ASCC3: variants seen among roughly 807,000 people sequenced by gnomAD.
ASCC3 encodes activating signal cointegrator 1 complex subunit 3, also known as ASC-1 complex subunit P200.
ASCC3 carries 158 observed loss-of-function variants against 256.3 expected under a neutral mutation model. The observed-to-expected ratio is 0.62, with a 90% CI of 0.54 to 0.70. The LOEUF (loss-of-function observed/expected upper bound fraction) is 0.70, where lower values mean the gene tolerates loss of function less well. ASCC3 is among the 30% of genes least tolerant of loss of function. The pLI, the probability that ASCC3 is intolerant of heterozygous loss-of-function variation, is 0.00. For missense variants in ASCC3, 2,259 were observed against 2,626.0 expected (o/e 0.86, Z 3.05); for synonymous variants, 948 against 883.4 (o/e 1.07, Z -1.30).
At chr6:100,584,830 C>T (rs180674449) in intron 36 of ASCC3, among the ~76,000 whole-genome samples, 2 of 151,960 alleles carry the variant, frequency 1.3e-5, no homozygotes, top group South Asian at 2.1e-4. Flanking sequence ...TTTTATTTCT[C>T]CTTCAGTTAT....
At chr6:100,778,576 A>C (rs575413438) in intron 8 of ASCC3, among the ~76,000 whole-genome samples, 16 of 152,288 alleles carry the variant, frequency 1.1e-4, no homozygotes, top group Admixed American at 1.3e-4. Context: ...ATTTTGTAAT[A>C]TACTACTTAC....
At chr6:100,648,321 G>GT (rs1288843737) in intron 20 of ASCC3, among the ~76,000 whole-genome samples, 1 of 151,988 alleles carries the variant, frequency 6.6e-6, no homozygotes, top group East Asian at 1.9e-4. Flanking sequence ...ATTAAAGATT[G>GT]TTTTTTAAAT....
chr6:100,757,544 A>G (rs1781236373), intron 10 of ASCC3, among the ~76,000 whole-genome samples: 2 of 149,392 alleles, frequency 1.3e-5, no homozygotes, highest in African/African-American at 5.0e-5. Flanking sequence ...ATAAACTGGG[A>G]TTTTCAAAAA....
chr6:100,820,818 C>T (rs1395234835), intron 4 of ASCC3, among the ~76,000 whole-genome samples: 1 of 151,952 alleles, frequency 6.6e-6, no homozygotes, highest in Non-Finnish European at 1.5e-5. Context: ...TAAAAATGAG[C>T]AAATGATCTG....
At chr6:100,857,159 A>G (rs528846673) in intron 3 of ASCC3, 1 of 152,206 alleles carries the variant, frequency 6.6e-6, no homozygotes, top group South Asian at 2.1e-4. Context: ...CTTGACTACC[A>G]ATGAAGCTGA....
Position 100,848,598 on chromosome 6 carries a change from C to A in ASCC3, c.351G>T (p.Gln117His). 6.2e-7 allele frequency: 1 copy of A among 1,614,146 alleles called. No homozygotes were observed. The highest frequency in any genetic ancestry group is 8.5e-7 in the Non-Finnish European group (1 of 1,180,022). The change falls in exon 4 of 42, where the codon CAG becomes CAT. Residue 117 changes from glutamine to histidine, a missense_variant. Coordinates refer to ENST00000369162, the MANE Select transcript of ASCC3 (RefSeq NM_006828.4). The part of the protein sequence containing the change: ...VGHKETKAIK[Q>H]MFGPFPSSSA... ...ATGATGAAGGAAAGGGGCCAAACATCTGTTTGATAGCCTTTGTTTCCTTGT... is the reference window on the plus strand; with the variant it reads ...ATGATGAAGGAAAGGGGCCAAACATATGTTTGATAGCCTTTGTTTCCTTGT...
intron 8 of ASCC3, among the ~76,000 whole-genome samples, chr6:100,783,362 G>A (rs1231943284): frequency 3.9e-5 from 6 of 152,148 alleles, no homozygotes; most frequent in Non-Finnish European, 8.8e-5. Flanking sequence ...TGTGACATCA[G>A]ACCCGTGGTC....
chr6:100,809,965 G>T (rs993000048), intron 4 of ASCC3, among the ~76,000 whole-genome samples: 1 of 152,042 alleles, frequency 6.6e-6, no homozygotes, highest in Non-Finnish European at 1.5e-5. Flanking sequence ...ACACCAGAAG[G>T]AAACCTCTAC....
At chr6:100,843,881 C>A (rs1310078645) in intron 4 of ASCC3, among the ~76,000 whole-genome samples, 1 of 151,506 alleles carries the variant, frequency 6.6e-6, no homozygotes, top group Admixed American at 6.6e-5. Context: ...AAGGTATACA[C>A]CTAAATAAAA....
intron 34 of ASCC3, among the ~76,000 whole-genome samples, chr6:100,597,101 C>T (rs1396414816): frequency 2.6e-5 from 4 of 152,152 alleles, no homozygotes; most frequent in Non-Finnish European, 5.9e-5. Context: ...AATATCAGCA[C>T]CCTTAATGAG....
rs1328128456 is a variant in ASCC3 at position 100,800,329 on chromosome 6, G to T, written c.1098C>A (p.Cys366Ter). 16 of 1,612,910 alleles carry T rather than the reference G, an allele frequency of 9.9e-6. No individual in the cohort carries two copies. The highest frequency in any genetic ancestry group is 1.2e-5 in the Non-Finnish European group (14 of 1,179,256). The change falls in exon 6 of 42, where the codon TGC becomes TGA. Residue 366 changes from cysteine to a stop codon, truncating the protein, a stop_gained. Coordinates refer to ENST00000369162, the MANE Select transcript of ASCC3 (RefSeq NM_006828.4). LOFTEE classifies it high-confidence loss of function. ...GTATCCGCAATTCCTTAGGATCAAA[G>T]CACATAAGTCCTTCTGAAACTTCTA... The part of the protein sequence containing the change: ...EDLEVSEGLM[C>*]FDPKELRIQR...
intron 13 of ASCC3, among the ~76,000 whole-genome samples, chr6:100,686,289 AATTT>A (rs1777561878): frequency 1.3e-5 from 2 of 152,182 alleles, no homozygotes; most frequent in Non-Finnish European, 2.9e-5. Context: ...ATACTGTATT[AATTT>A]TTTGATAGGG....
At chr6:100,572,870 C>T (rs1770668639) in intron 36 of ASCC3, among the ~76,000 whole-genome samples, 1 of 151,910 alleles carries the variant, frequency 6.6e-6, no homozygotes, top group African/African-American at 2.4e-5. Context: ...TTAAAAGTAA[C>T]TCTGGTTCTT....
intron 30 of ASCC3, among the ~76,000 whole-genome samples, chr6:100,623,793 T>G (rs1440286892): frequency 6.6e-6 from 1 of 152,166 alleles, no homozygotes; most frequent in Non-Finnish European, 1.5e-5. Context: ...TATCTATATT[T>G]AGATGTAGTA....
intron 36 of ASCC3, among the ~76,000 whole-genome samples, chr6:100,565,556 G>T (rs1431034440): frequency 6.6e-6 from 1 of 152,146 alleles, no homozygotes. Context: ...GAGCCTTACT[G>T]CTTTTTTATT....
At chr6:100,812,482 TGA>T (rs1263329974) in intron 4 of ASCC3, among the ~76,000 whole-genome samples, 1 of 151,256 alleles carries the variant, frequency 6.6e-6, no homozygotes, top group African/African-American at 2.4e-5. Context: ...AATAGGAAAC[TGA>T]GATAGCACTT....
chr6:100,799,655 T>C, intron 6 of ASCC3, 83 bp from the exon 7 acceptor site: 1 of 1,387,764 alleles, frequency 7.2e-7, no homozygotes, highest in South Asian at 1.2e-5. Context: ...TTATAAAAGA[T>C]ATTGGGAGCT....
chr6:100,776,630 T>TA (rs1782203352), intron 8 of ASCC3, among the ~76,000 whole-genome samples: 1 of 152,086 alleles, frequency 6.6e-6, no homozygotes, highest in Non-Finnish European at 1.5e-5. Flanking sequence ...TAATACAGGC[T>TA]ACTCGTGAGT....
At chr6:100,757,406 A>G (rs1781231085) in intron 10 of ASCC3, among the ~76,000 whole-genome samples, 1 of 151,984 alleles carries the variant, frequency 6.6e-6, no homozygotes, top group African/African-American at 2.4e-5. Flanking sequence ...TTAGGTAAAG[A>G]AATAAAATAA....
Sources: allele counts gnomAD v4.1 joint callset (sites outside exome capture counted in the v4.1 genomes callset), GRCh38; gene constraint gnomAD v4.1.1; transcripts MANE v1.5; gene names NCBI Gene and HGNC (gene_info 2026-07-23, HGNC 2026-07-21).